IL1RAPL2: variants seen among roughly 807,000 people sequenced by gnomAD.
IL1RAPL2 encodes X-linked interleukin-1 receptor accessory protein-like 2.
IL1RAPL2 carries 3 observed loss-of-function variants against 44.1 expected under a neutral mutation model. The observed-to-expected ratio is 0.07, with a 90% CI of 0.03 to 0.18. IL1RAPL2 has a LOEUF of 0.18. Ranked by LOEUF, IL1RAPL2 falls within the 10% of genes least tolerant of loss-of-function variation. The probability of loss-of-function intolerance (pLI) is 1.00; values close to 1 mark genes in which losing one functional copy is unlikely to be tolerated. For synonymous variants in IL1RAPL2, 181 were observed against 178.8 expected (o/e 1.01, Z -0.10); for missense variants, 391 against 496.4 (o/e 0.79, Z 2.02).
chrX:105,594,806 T>C (rs781530667), intron 6 of IL1RAPL2, among the ~76,000 whole-genome samples: 7 of 111,271 alleles, frequency 6.3e-5, no homozygotes, highest in African/African-American at 1.6e-4. Flanking sequence ...GTATCACACA[T>C]TTTCACTTAT....
At chrX:105,700,682 ATTTC>A (rs1329020436) in intron 6 of IL1RAPL2, among the ~76,000 whole-genome samples, 2 of 110,429 alleles carry the variant, frequency 1.8e-5, no homozygotes, top group Admixed American at 1.9e-4. Context: ...CTGCTTCAGT[ATTTC>A]TTTGATTTAT....
intron 2 of IL1RAPL2, among the ~76,000 whole-genome samples, chrX:105,077,660 CT>C: frequency 8.9e-6 from 1 of 112,121 alleles, no homozygotes; most frequent in African/African-American, 3.2e-5. Context: ...GTTCCATTCT[CT>C]CTGTCACTTT....
At chrX:104,961,882 T>C (rs187904733) in intron 2 of IL1RAPL2, among the ~76,000 whole-genome samples, 48 of 112,482 alleles carry the variant, frequency 4.3e-4, no homozygotes, top group Non-Finnish European at 7.7e-4. Context: ...CAAGTGCTTA[T>C]TGAATACCTA....
intron 8 of IL1RAPL2, among the ~76,000 whole-genome samples, chrX:105,744,875 C>T (rs2038527758): frequency 9.0e-6 from 1 of 111,619 alleles, no homozygotes; most frequent in Admixed American, 9.5e-5. Context: ...TTCTGTTTCT[C>T]TGCACATACT....
intron 5 of IL1RAPL2, among the ~76,000 whole-genome samples, chrX:105,395,147 A>G (rs1217250542): frequency 1.3e-4 from 14 of 111,292 alleles, no homozygotes; most frequent in Admixed American, 1.2e-3. Flanking sequence ...TAGAGACTCT[A>G]TGAATTTTAA....
At chrX:105,661,460 C>T (rs1175183493) in intron 6 of IL1RAPL2, among the ~76,000 whole-genome samples, 2 of 112,181 alleles carry the variant, frequency 1.8e-5, no homozygotes, top group Non-Finnish European at 3.8e-5. Flanking sequence ...CATCCAATGG[C>T]TGCAGAATAC....
intron 5 of IL1RAPL2, among the ~76,000 whole-genome samples, chrX:105,271,886 T>C (rs1345942037): frequency 9.3e-6 from 1 of 108,028 alleles, no homozygotes; most frequent in Non-Finnish European, 1.9e-5. Flanking sequence ...TGTACATTGA[T>C]TTTGTATCCT....
At chrX:105,313,537 A>T (rs1489575511) in intron 5 of IL1RAPL2, among the ~76,000 whole-genome samples, 1 of 111,334 alleles carries the variant, frequency 9.0e-6, no homozygotes, top group Non-Finnish European at 1.9e-5. Context: ...TAAACCATTG[A>T]GCTCCTAAAG....
chrX:105,323,872 T>TCACACACA (rs112033130), intron 5 of IL1RAPL2, among the ~76,000 whole-genome samples: 20 of 102,518 alleles, frequency 2.0e-4, no homozygotes, highest in African/African-American at 6.9e-4. Context: ...TGAGACTCTG[T>TCACACACA]CACACACACA....
chrX:104,797,198 C>CG (rs1932855855), intron 2 of IL1RAPL2, among the ~76,000 whole-genome samples: 1 of 41,795 alleles, frequency 2.4e-5, no homozygotes, highest in Non-Finnish European at 4.7e-5. Context: ...CCCCCCCCCC[C>CG]CCCGCAAAGT....
intron 1 of IL1RAPL2, among the ~76,000 whole-genome samples, chrX:104,568,457 C>T (rs1040857979): frequency 9.0e-5 from 10 of 111,724 alleles, no homozygotes; most frequent in African/African-American, 3.3e-4. Flanking sequence ...TCTCCCACCC[C>T]ACCGCAGCAG....
intron 2 of IL1RAPL2, among the ~76,000 whole-genome samples, chrX:104,802,320 G>T (rs1365786034): frequency 2.1e-5 from 2 of 96,051 alleles, no homozygotes; most frequent in Non-Finnish European, 4.1e-5. Context: ...ACTCCAGCCT[G>T]GGTGACAGAA....
intron 2 of IL1RAPL2, among the ~76,000 whole-genome samples, chrX:104,720,274 G>C (rs745993478): frequency 9.0e-6 from 1 of 111,427 alleles, no homozygotes; most frequent in South Asian, 3.7e-4. Context: ...GTGATACAAT[G>C]GCATCGCAAA....
chrX:105,026,459 C>T (rs1185452665), intron 2 of IL1RAPL2, among the ~76,000 whole-genome samples: 1 of 110,262 alleles, frequency 9.1e-6, no homozygotes, highest in East Asian at 2.8e-4. Context: ...AAATTAAAGA[C>T]TCCACCAAAA....
intron 8 of IL1RAPL2, among the ~76,000 whole-genome samples, chrX:105,745,009 CA>C (rs1044646820): frequency 7.2e-5 from 8 of 111,358 alleles, no homozygotes; most frequent in Non-Finnish European, 1.3e-4. Flanking sequence ...GATGCTATAA[CA>C]AAACACCTTA....
chrX:104,604,665 G>T (rs1260787303), intron 1 of IL1RAPL2, among the ~76,000 whole-genome samples: 2 of 101,618 alleles, frequency 2.0e-5, no homozygotes, highest in African/African-American at 7.2e-5. Context: ...AGCAGGAGCT[G>T]CAATCCTAGT....
rs1272166451 is a variant in IL1RAPL2, at chrX:105,722,977, ACT to A, written c.902+5484_902+5485del. Among the ~76,000 whole-genome samples, 235 of 110,908 alleles carry A rather than the reference ACT, an allele frequency of 2.1e-3. 3 individuals are homozygous for A. Among genetic ancestry groups the A allele is most frequent in the African/African-American group, 7.4e-3 (227 of 30,532 alleles). The stretch of plus-strand genomic sequence containing the variant: ...ACTCTTGGTGTTCCCTATTTAACAC[ACT>A]CTTTCATTCTTTGCAACATGGCTGG... On this transcript the variant is annotated intron_variant, in intron 7 of 10. Transcript: ENST00000372582.
chrX:105,665,921 C>A (rs2037762730), intron 6 of IL1RAPL2, among the ~76,000 whole-genome samples: 1 of 107,168 alleles, frequency 9.3e-6, no homozygotes, highest in South Asian at 4.2e-4. Flanking sequence ...CGCCACCACG[C>A]CCGGCTAATT....
At chrX:104,996,475 A>G (rs2030749812) in intron 2 of IL1RAPL2, among the ~76,000 whole-genome samples, 1 of 111,857 alleles carries the variant, frequency 8.9e-6, no homozygotes, top group South Asian at 3.7e-4. Context: ...GATAATTGGA[A>G]ATTAGCCATG....
Sources: gnomAD v4.1 joint callset for allele counts (sites outside exome capture counted in the v4.1 genomes callset) on GRCh38, gnomAD v4.1.1 for gene constraint, MANE v1.5 for transcripts, NCBI Gene and HGNC (gene_info 2026-07-23, HGNC 2026-07-21) for gene names.